The following NBPF9 variants were observed in gnomAD, a reference collection of about 807,000 sequenced individuals.
NBPF9 encodes the protein NBPF family member NBPF9.
Under a neutral mutation model 97.8 loss-of-function variants are expected in NBPF9, and 91 were observed. That is an observed-to-expected ratio of 0.93 (90% CI 0.79 to 1.11). The LOEUF (loss-of-function observed/expected upper bound fraction) is 1.11, where lower values mean the gene tolerates loss of function less well. Among genes scored for constraint, NBPF9 ranks in the 50% least tolerant of loss-of-function variants. The pLI is 0.00. For synonymous variants in NBPF9, 334 were observed against 359.5 expected, an observed-to-expected ratio of 0.93 and a Z score of 0.80; for missense variants, 992 against 939.5, an observed-to-expected ratio of 1.06 and a Z score of -0.73.
chr1:149,081,229 T>C (rs1401799207), intron 7 of NBPF9, among the ~76,000 whole-genome samples: 1 of 151,908 alleles, frequency 6.6e-6, no homozygotes, highest in Non-Finnish European at 1.5e-5. Flanking sequence ...AAAGGATTCT[T>C]CTGCCTCAGC....
intron 15 of NBPF9, 34 bp downstream of exon 15, chr1:149,071,570 C>T (rs1553652931): frequency 1.0e-6 from 1 of 966,454 alleles, no homozygotes; most frequent in Non-Finnish European, 1.6e-6. Context: ...CATATGTTAC[C>T]ATCCATTAAT....
intron 12 of NBPF9, among the ~76,000 whole-genome samples, chr1:149,074,732 G>C (rs1311771054): frequency 6.6e-6 from 1 of 151,240 alleles, no homozygotes; most frequent in South Asian, 2.1e-4. Flanking sequence ...TTAGCAACAA[G>C]ACTCTGTGCC....
At position 149,062,283 on chromosome 1, in the gene NBPF9, A is replaced by G; in HGVS notation, c.2079-18T>C. ...TGCTGAGCCTGGAAAAGTAGGAAAAAGTAAAGAATAAGCCAGGGGGAATCA... is the reference window on the plus strand; with the variant it reads ...TGCTGAGCCTGGAAAAGTAGGAAAAGGTAAAGAATAAGCCAGGGGGAATCA... On this transcript the variant is annotated intron_variant, in intron 21 of 29. Coordinates refer to ENST00000584027, the Ensembl canonical transcript of NBPF9. 3.1e-6 allele frequency: 2 copies of G among 653,594 alleles called. No homozygotes were observed. Among genetic ancestry groups the G allele is most frequent in the African/African-American group, 2.0e-5 (1 of 50,916 alleles). The allele number at this position is 653,594 out of a possible 1,614,324, so 40.5% of individuals were successfully genotyped here.
At chr1:149,076,388 G>T (rs1399076409) in intron 11 of NBPF9, among the ~76,000 whole-genome samples, 5 of 151,084 alleles carry the variant, frequency 3.3e-5, no homozygotes, top group Non-Finnish European at 7.4e-5. Flanking sequence ...GTAGAGATGG[G>T]GTTTCGCCAT....
intron 5 of NBPF9, among the ~76,000 whole-genome samples, chr1:149,089,558 G>C (rs1469118201): frequency 6.6e-6 from 1 of 152,296 alleles, no homozygotes; most frequent in Non-Finnish European, 1.5e-5. Context: ...AGACAGGATG[G>C]AAATGAGTGG....
chr1:149,088,098 T>C (rs1247177604), intron 5 of NBPF9, among the ~76,000 whole-genome samples: 7 of 152,258 alleles, frequency 4.6e-5, no homozygotes, highest in Non-Finnish European at 7.4e-5. Context: ...CCCAAAGTGC[T>C]GAGATTACAG....
At chr1:149,072,084 A>G (rs1465728330) in intron 14 of NBPF9, among the ~76,000 whole-genome samples, 2 of 148,792 alleles carry the variant, frequency 1.3e-5, no homozygotes, top group Admixed American at 6.7e-5. Context: ...TCCTCTATGC[A>G]TCAGAAGATT....
At chr1:149,077,723 C>A (rs61809878) in intron 10 of NBPF9, among the ~76,000 whole-genome samples, 160 bp downstream of exon 10, 1 of 151,968 alleles carries the variant, frequency 6.6e-6, no homozygotes, top group Non-Finnish European at 1.5e-5. Context: ...TAGAGAAACA[C>A]GACAGCTGCC....
intron 1 of NBPF9, among the ~76,000 whole-genome samples, chr1:149,103,094 T>C (rs2082253248): frequency 6.6e-6 from 1 of 151,798 alleles, no homozygotes; most frequent in Non-Finnish European, 1.5e-5. Context: ...GCCCAAGAGA[T>C]GAGGGCTGCG....
Position 149,059,271 on chromosome 1 carries a change from G to C in NBPF9, c.2586-174C>G, listed in dbSNP as rs1319442138. 5.5e-4 allele frequency: 258 copies of C among 472,712 alleles called. 80 individuals carry two copies. The highest frequency in any genetic ancestry group is 3.9e-3 in the African/African-American group (157 of 40,458). The allele number at this position is 472,712 out of a possible 1,614,324, so 29.3% of individuals were successfully genotyped here. A position where few individuals can be genotyped will look rare whatever the true frequency, so the allele number is the denominator to read the frequency against. ...GGATAGACCAGGGCCAGGTAGAAAAGAATGAAAGAGAAAGACAGGGAGAGA... is the reference window on the plus strand; with the variant it reads ...GGATAGACCAGGGCCAGGTAGAAAACAATGAAAGAGAAAGACAGGGAGAGA... On this transcript the variant is annotated intron_variant, in intron 25 of 29. Coordinates refer to ENST00000584027, the Ensembl canonical transcript of NBPF9.
In NBPF9 at chr1:149,055,802, C is replaced by T. The variant is rs782555725; in HGVS notation, c.3190G>A (p.Asp1064Asn). The change falls in exon 30 of 30, where the codon GAC becomes AAC. Residue 1064 changes from aspartate (D) to asparagine (N), a missense_variant. Asp to Asn is a conservative substitution (Grantham distance 23, BLOSUM62 1). Transcript: ENST00000584027. ...ACACTTCTGTAGTGCTGGAATGAGT[C>T]AGGTAGTTCAAAGTACATTGACGGA... 1.9e-6 allele frequency: 3 copies of T among 1,610,880 alleles called. 1 individual carries two copies. In the African/African-American group the frequency reaches 4.0e-5, roughly 22 times the overall value.
intron 5 of NBPF9, among the ~76,000 whole-genome samples, chr1:149,084,741 T>A (rs1431688106): frequency 6.6e-6 from 1 of 151,016 alleles, no homozygotes; most frequent in African/African-American, 2.4e-5. Context: ...CTGAGGTTGG[T>A]GTCCTGGTTG....
rs1323755247 is a variant in NBPF9, at chr1:149,081,122, TTTTG to T, written c.175+839_175+842del. ...ATTTTTATTTTTGATTTATTTATCT[TTTTG>T]TTTGTTTGTTTTTTGACGAGTCTTG... On this transcript the variant is annotated intron_variant, in intron 7 of 29. Transcript: ENST00000584027. Among the ~76,000 whole-genome samples the T allele has an allele frequency of 6.6e-5, 10 of 151,648 alleles. No homozygotes were observed. In the East Asian group the frequency reaches 7.8e-4, roughly 12 times the overall value.
intron 5 of NBPF9, among the ~76,000 whole-genome samples, chr1:149,087,332 T>C (rs78333760): frequency 0.038 from 5,598 of 147,018 alleles, 328 homozygotes; most frequent in African/African-American, 0.13. Context: ...TATATATATA[T>C]ACACACACAC....
chr1:149,087,096 T>A (rs2081064285), intron 5 of NBPF9, among the ~76,000 whole-genome samples: 1 of 152,024 alleles, frequency 6.6e-6, no homozygotes, highest in Non-Finnish European at 1.5e-5. Context: ...ATCTCATTGT[T>A]GCACTGATTG....
chr1:149,072,808 C>T (rs1206723127), exon 14 of NBPF9: 20 of 1,590,314 alleles, frequency 1.3e-5, no homozygotes, highest in Non-Finnish European at 1.6e-5. Flanking sequence ...TTGTCCGGCT[C>T]ATCCGGAGTG....
Position 149,059,607 on chromosome 1 carries a change from G to A in NBPF9, c.2585+93C>T. Reference sequence around the variant, plus strand: ...CAGTAGGAGTAATTCAGCCTTCGTTGAAAACGTGACATCAAACACACTCTG... The same window carrying A: ...CAGTAGGAGTAATTCAGCCTTCGTTAAAAACGTGACATCAAACACACTCTG... On this transcript the variant is annotated intron_variant, in intron 25 of 29. Coordinates refer to ENST00000584027, the Ensembl canonical transcript of NBPF9. 10 of 520,472 alleles carry A rather than the reference G, an allele frequency of 1.9e-5. 3 individuals are homozygous for A. The highest frequency in any genetic ancestry group is 1.7e-4 in the South Asian group (8 of 47,522). The allele number at this position is 520,472 out of a possible 1,614,324, so 32.2% of individuals were successfully genotyped here.
intron 4 of NBPF9, among the ~76,000 whole-genome samples, chr1:149,096,106 G>A (rs1282071928): frequency 6.6e-6 from 1 of 151,856 alleles, no homozygotes; most frequent in South Asian, 2.1e-4. Context: ...AAGCCAGTCT[G>A]GAAACCTACA....
intron 13 of NBPF9, 136 bp from the exon 14 acceptor site, chr1:149,073,068 T>C (rs587739242): frequency 1.4e-6 from 1 of 740,704 alleles, no homozygotes; most frequent in East Asian, 2.5e-5. Flanking sequence ...TAAAGGAATG[T>C]CTGTGGCCAA....
Sources: allele counts gnomAD v4.1 joint callset (sites outside exome capture counted in the v4.1 genomes callset), GRCh38; gene constraint gnomAD v4.1.1; transcripts MANE v1.5; gene names NCBI Gene and HGNC (gene_info 2026-07-23, HGNC 2026-07-21).